Variants in MDN1 observed in about 807,000 individuals in gnomAD.
The protein encoded by MDN1 is midasin AAA ATPase 1.
Under a neutral mutation model 669.2 loss-of-function variants are expected in MDN1, and 266 were observed. The ratio of observed to expected loss-of-function variants is 0.40; its 90% CI spans 0.36 to 0.44. The LOEUF is 0.44. Among genes scored for constraint, MDN1 ranks in the 20% least tolerant of loss-of-function variants. The pLI is 1.00. For synonymous variants in MDN1, 2,385 were observed against 2,457.1 expected, an observed-to-expected ratio of 0.97 and a Z score of 0.87; for missense variants, 5,940 against 6,754.0, an observed-to-expected ratio of 0.88 and a Z score of 4.22.
chr6:89,800,605 C>A (rs560144786), intron 2 of MDN1, among the ~76,000 whole-genome samples: 1 of 152,274 alleles, frequency 6.6e-6, no homozygotes, highest in South Asian at 2.1e-4. Flanking sequence ...GAGTTGTATC[C>A]TTTTCTAATA....
intron 99 of MDN1, among the ~76,000 whole-genome samples, chr6:89,647,545 G>T (rs1808567394): frequency 6.6e-6 from 1 of 152,208 alleles, no homozygotes; most frequent in Admixed American, 6.5e-5. Flanking sequence ...AAAGTCAAGT[G>T]ATCCTTGAGG....
intron 9 of MDN1, among the ~76,000 whole-genome samples, chr6:89,783,332 A>C (rs1201965058): frequency 6.6e-6 from 1 of 152,096 alleles, no homozygotes; most frequent in African/African-American, 2.4e-5. Context: ...TGCGGTTAAG[A>C]TAAGGACCGA....
chr6:89,650,641 A>G, intron 96 of MDN1, 91 bp downstream of exon 96: 2 of 935,158 alleles, frequency 2.1e-6, no homozygotes, highest in South Asian at 1.5e-5. Flanking sequence ...AGAAGCTGGC[A>G]CTATAAATGG....
At chr6:89,816,893 G>A (rs1022044168) in intron 1 of MDN1, among the ~76,000 whole-genome samples, 1 of 151,526 alleles carries the variant, frequency 6.6e-6, no homozygotes, top group East Asian at 1.9e-4. Context: ...CCAGAATGAT[G>A]TCGATCTCCT....
chr6:89,658,270 A>G lies in MDN1; in HGVS notation c.15122T>C (p.Met5041Thr). 6.2e-7 allele frequency: 1 copy of G among 1,614,182 alleles called. No individual in the cohort carries two copies. Among genetic ancestry groups the G allele is most frequent in the Non-Finnish European group, 8.5e-7 (1 of 1,180,036 alleles). Residue 5041 changes from methionine (M) to threonine (T), a missense_variant, in exon 90 of 102, where the codon ATG (methionine) becomes ACG (threonine). Physicochemically the swap from Met to Thr is moderately conservative, Grantham distance 81. This residue lies in a region of MDN1 where 2,280 missense variants were observed against 2,576.3 expected (regional missense o/e 0.88). Transcript: ENST00000369393. Reference protein sequence around the residue: ...ASCGQTGVENMQNTQAMELAG... With the variant: ...ASCGQTGVENTQNTQAMELAG... ...CAGCTCCATGGCCTGTGTGTTCTGC[A>G]TGTTCTCCACACCAGTCTGCCCACA...
intron 45 of MDN1, 93 bp from the exon 46 acceptor site, chr6:89,714,844 T>C (rs1440876466): frequency 9.4e-6 from 9 of 962,066 alleles, no homozygotes; most frequent in Non-Finnish European, 1.4e-5. Context: ...GCAAATCCTA[T>C]GTGGCTCATT....
At chr6:89,674,882 AG>A (rs1811078870) in intron 78 of MDN1, among the ~76,000 whole-genome samples, 1 of 152,190 alleles carries the variant, frequency 6.6e-6, no homozygotes, top group South Asian at 2.1e-4. Flanking sequence ...TAATGAATGG[AG>A]CAGAAAATAC....
intron 100 of MDN1, among the ~76,000 whole-genome samples, chr6:89,645,471 T>A (rs16882029): frequency 0.026 from 3,953 of 152,292 alleles, 194 homozygotes; most frequent in African/African-American, 0.091. Context: ...CAACATACTG[T>A]ACATGAGAAT....
intron 67 of MDN1, 53 bp from the exon 68 acceptor site, chr6:89,687,491 C>G (rs1812096358): frequency 2.0e-6 from 3 of 1,490,504 alleles, no homozygotes; most frequent in Admixed American, 1.7e-5. Flanking sequence ...GCCATAATCA[C>G]CTCCTTCCTC....
rs749822035 is a variant in MDN1, at chr6:89,749,188, A to C, written c.3762+35T>G. On this transcript the variant is annotated intron_variant, in intron 26 of 101. Coordinates refer to ENST00000369393, the MANE Select transcript of MDN1 (RefSeq NM_014611.3). Reference sequence around the variant, plus strand: ...AGAAGCCATGAAATTTTGATCACCAAGTATAATCAATACATTCCATTTGAA... The same window carrying C: ...AGAAGCCATGAAATTTTGATCACCACGTATAATCAATACATTCCATTTGAA... The C allele has an allele frequency of 1.9e-6, 3 of 1,575,386 alleles. No homozygotes were observed. In the East Asian group the frequency reaches 6.8e-5, roughly 36 times the overall value.
chr6:89,735,675 A>G (rs1415779288), intron 33 of MDN1, among the ~76,000 whole-genome samples: 1 of 152,208 alleles, frequency 6.6e-6, no homozygotes, highest in Non-Finnish European at 1.5e-5. Flanking sequence ...TACAATAAAT[A>G]TAAGTACTAC....
At chr6:89,797,115 T>C (rs1211725319) in intron 2 of MDN1, among the ~76,000 whole-genome samples, 1 of 152,018 alleles carries the variant, frequency 6.6e-6, no homozygotes, top group Non-Finnish European at 1.5e-5. Context: ...CTCACGCCTG[T>C]AATCCCAGCA....
intron 9 of MDN1, among the ~76,000 whole-genome samples, chr6:89,783,581 C>T (rs1424507095): frequency 4.6e-5 from 7 of 152,130 alleles, no homozygotes; most frequent in Non-Finnish European, 1.0e-4. Context: ...TTGATAAACC[C>T]TTATTAGTAG....
chr6:89,753,135 A>G (rs138081142), intron 22 of MDN1, among the ~76,000 whole-genome samples: 2,186 of 152,268 alleles, frequency 0.014, 25 homozygotes, highest in South Asian at 0.048. Flanking sequence ...AAAAAAAACA[A>G]AACAAAACAA....
intron 63 of MDN1, among the ~76,000 whole-genome samples, chr6:89,691,046 C>T (rs771978343): frequency 3.0e-4 from 45 of 152,176 alleles, no homozygotes; most frequent in Non-Finnish European, 4.7e-4. Context: ...CCTAAATCCC[C>T]CCTGCTGTGT....
In MDN1 at chr6:89,688,816, G is replaced by T; in HGVS notation, c.11024-8C>A. ...GGTCATTCAGTTCAACTCCTGTGAA[G>T]TTAACATCACGGTAAAGTCAGTGAA... On this transcript the variant is annotated splice_polypyrimidine_tract_variant and splice_region_variant and intron_variant, in intron 65 of 101. Transcript: ENST00000369393. 6.2e-7 allele frequency: 1 copy of T among 1,609,254 alleles called. No homozygotes were observed. The highest frequency in any genetic ancestry group is 8.5e-7 in the Non-Finnish European group (1 of 1,175,778).
Position 89,772,521 on chromosome 6 carries a change from AAGT to A in MDN1, c.2083+49_2083+51del, listed in dbSNP as rs1269223401. 7.0e-6 allele frequency: 11 copies of A among 1,579,306 alleles called. No individual in the cohort carries two copies. In the Admixed American group the frequency reaches 9.1e-5, roughly 13 times the overall value. ...TTTAGTATTTTTAAAAAAGGAAAAA[AAGT>A]AGTCAGTGTGAAATATCTGGGGGCA... On this transcript the variant is annotated intron_variant, in intron 14 of 101. Coordinates refer to ENST00000369393, the MANE Select transcript of MDN1 (RefSeq NM_014611.3).
intron 83 of MDN1, among the ~76,000 whole-genome samples, chr6:89,669,756 A>C (rs1341833178): frequency 2.6e-5 from 4 of 152,152 alleles, no homozygotes; most frequent in African/African-American, 9.7e-5. Context: ...CGAGAGCTGG[A>C]TATCTCTATG....
At chr6:89,794,929 T>A in intron 2 of MDN1, 128 bp from the exon 3 acceptor site, 1 of 762,706 alleles carries the variant, frequency 1.3e-6, no homozygotes, top group Non-Finnish European at 2.1e-6. Flanking sequence ...AAGGAGTATC[T>A]ATATTTTCAT....
Sources: gnomAD v4.1 joint callset for allele counts (sites outside exome capture counted in the v4.1 genomes callset) on GRCh38, gnomAD v4.1.1 for gene constraint, gnomAD v4.1.1 regional missense constraint, MANE v1.5 for transcripts, NCBI Gene and HGNC (gene_info 2026-07-23, HGNC 2026-07-21) for gene names.